The following LDLRAD4 variants were observed in gnomAD, a reference collection of about 807,000 sequenced individuals.
LDLRAD4 encodes the protein low-density lipoprotein receptor class A domain-containing protein 4.
Under a neutral mutation model 17.0 loss-of-function variants are expected in LDLRAD4, and 5 were observed. The ratio of observed to expected loss-of-function variants is 0.29; its 90% CI spans 0.15 to 0.62. The LOEUF is 0.62. Among genes scored for constraint, LDLRAD4 ranks in the 20% least tolerant of loss-of-function variants. The pLI, the probability that LDLRAD4 is intolerant of heterozygous loss-of-function variation, is 0.84. For synonymous variants in LDLRAD4, 168 were observed against 171.8 expected (o/e 0.98, Z 0.17); for missense variants, 340 against 424.7 (o/e 0.80, Z 1.75).
intron 1 of LDLRAD4, among the ~76,000 whole-genome samples, chr18:13,356,071 G>A (rs774640679): frequency 9.9e-5 from 15 of 152,254 alleles, no homozygotes; most frequent in Admixed American, 3.3e-4. Flanking sequence ...GCAAGTGAGC[G>A]GGCTCAGCCA....
At position 13,645,080 on chromosome 18, in the gene LDLRAD4, A is replaced by G; in HGVS notation, c.391-47A>G. ...CCTTGATTCTGACACATTTATGGTC[A>G]TCATTGCGCTCAAACTGTCTTCAAG... On this transcript the variant is annotated intron_variant, in intron 5 of 5. Coordinates refer to ENST00000359446, the Ensembl canonical transcript of LDLRAD4. The surrounding 1 kb of genome is among the most constrained non-coding windows in gnomAD (Gnocchi z 5.7). 1 of 1,494,692 alleles carries G rather than the reference A, an allele frequency of 6.7e-7. No individual in the cohort carries two copies. The highest frequency in any genetic ancestry group is 1.4e-5 in the African/African-American group (1 of 72,408). 92.6% of individuals were successfully genotyped at this position (1,494,692 alleles called of 1,614,324 possible).
In LDLRAD4 at chr18:13,453,993, G is replaced by A. The variant is rs188188049; in HGVS notation, c.181+15609G>A. On this transcript the variant is annotated intron_variant, in intron 3 of 5. Transcript: ENST00000359446. ...TGCAGATGTTCATTCCGGCGCTGCC[G>A]CCGACTGCGGGGACAGAGCCGGAGG... Among the ~76,000 whole-genome samples the A allele has an allele frequency of 5.2e-5, 8 of 152,392 alleles. No homozygotes were observed. The East Asian group carries it at 1.2e-3, about 22-fold the overall frequency.
intron 3 of LDLRAD4, among the ~76,000 whole-genome samples, chr18:13,444,971 C>A (rs573825642): frequency 1.3e-5 from 2 of 152,326 alleles, no homozygotes; most frequent in East Asian, 3.9e-4. Context: ...ACTGCCTGTC[C>A]TTCCCATGTG....
chr18:13,235,067 T>C (rs2042268403), intron 1 of LDLRAD4: 1 of 152,110 alleles, frequency 6.6e-6, no homozygotes, highest in South Asian at 2.1e-4. Flanking sequence ...CTGACCAACA[T>C]GGAGAAACCC....
chr18:13,582,573 T>A (rs2094877992), intron 3 of LDLRAD4, among the ~76,000 whole-genome samples: 1 of 152,200 alleles, frequency 6.6e-6, no homozygotes, highest in Non-Finnish European at 1.5e-5. Context: ...CACATGGGCA[T>A]CAATACCTGT....
intron 3 of LDLRAD4, among the ~76,000 whole-genome samples, chr18:13,567,666 C>G (rs886739310): frequency 1.3e-5 from 2 of 151,946 alleles, no homozygotes; most frequent in Non-Finnish European, 2.9e-5. Context: ...CTGCTGGTTT[C>G]CATTCATCTG....
chr18:13,302,811 A>G (rs138146581), intron 1 of LDLRAD4, among the ~76,000 whole-genome samples: 26 of 152,324 alleles, frequency 1.7e-4, no homozygotes, highest in South Asian at 8.3e-4. Flanking sequence ...TGTTACATGC[A>G]GTTGTGTTAC....
chr18:13,476,834 G>A (rs1162649831), intron 3 of LDLRAD4, among the ~76,000 whole-genome samples: 1 of 152,100 alleles, frequency 6.6e-6, no homozygotes, highest in Non-Finnish European at 1.5e-5. Context: ...GACTGTTCCT[G>A]CCCCTAGATG....
intron 1 of LDLRAD4, among the ~76,000 whole-genome samples, chr18:13,325,605 C>T (rs906854293): frequency 6.6e-6 from 1 of 152,210 alleles, no homozygotes; most frequent in Non-Finnish European, 1.5e-5. Flanking sequence ...TCTACTCTCC[C>T]TCTCCGCGTG....
intron 3 of LDLRAD4, among the ~76,000 whole-genome samples, chr18:13,549,632 A>AGT (rs2094409689): frequency 6.6e-6 from 1 of 151,876 alleles, no homozygotes; most frequent in African/African-American, 2.4e-5. Context: ...CCAAGAGCAG[A>AGT]GGACAGTGGG....
At chr18:13,581,957 C>G (rs1292951304) in intron 3 of LDLRAD4, among the ~76,000 whole-genome samples, 1 of 151,988 alleles carries the variant, frequency 6.6e-6, no homozygotes, top group African/African-American at 2.4e-5. Flanking sequence ...ATTTGACGGT[C>G]CACCCCCGCC....
At chr18:13,578,245 C>T (rs926835575) in intron 3 of LDLRAD4, among the ~76,000 whole-genome samples, 1 of 152,150 alleles carries the variant, frequency 6.6e-6, no homozygotes, top group Non-Finnish European at 1.5e-5. Flanking sequence ...GTGCTTTTTC[C>T]CCATTAAATA....
intron 3 of LDLRAD4, among the ~76,000 whole-genome samples, chr18:13,553,672 T>C (rs189798649): frequency 6.6e-5 from 10 of 152,324 alleles, no homozygotes; most frequent in African/African-American, 2.2e-4. Flanking sequence ...TCTAGTTCTT[T>C]CCTGATGCGG....
intron 4 of LDLRAD4, among the ~76,000 whole-genome samples, chr18:13,640,725 G>A (rs2042473661): frequency 6.6e-6 from 1 of 152,286 alleles, no homozygotes; most frequent in African/African-American, 2.4e-5. Flanking sequence ...CCCCAGGGCT[G>A]CAGGCATGCC....
At chr18:13,255,676 C>A (rs2043465366) in intron 1 of LDLRAD4, among the ~76,000 whole-genome samples, 1 of 151,888 alleles carries the variant, frequency 6.6e-6, no homozygotes, top group South Asian at 2.1e-4. Context: ...GGTGGAGGCC[C>A]AAGGGAGAGG....
At chr18:13,302,415 C>T (rs1400172430) in intron 1 of LDLRAD4, among the ~76,000 whole-genome samples, 1 of 152,152 alleles carries the variant, frequency 6.6e-6, no homozygotes, top group Non-Finnish European at 1.5e-5. Flanking sequence ...TCAGAGAAAA[C>T]TGTTAAAAGC....
chr18:13,510,579 T>C (rs1285535781), intron 3 of LDLRAD4, among the ~76,000 whole-genome samples: 1 of 152,192 alleles, frequency 6.6e-6, no homozygotes, highest in Non-Finnish European at 1.5e-5. Flanking sequence ...CAGTGTACAC[T>C]GCTTGTGTGA....
chr18:13,454,007 C>T (rs2091985426), intron 3 of LDLRAD4, among the ~76,000 whole-genome samples: 1 of 152,272 alleles, frequency 6.6e-6, no homozygotes, highest in Admixed American at 6.5e-5. Flanking sequence ...ACTGCGGGGA[C>T]AGAGCCGGAG....
exon 6 of LDLRAD4, chr18:13,649,829 A>T: frequency 2.5e-6 from 1 of 392,392 alleles, no homozygotes; most frequent in Non-Finnish European, 4.5e-6. Context: ...CTTGGAGCCA[A>T]GCCTTCATGC....
Sources: allele counts gnomAD v4.1 joint callset (sites outside exome capture counted in the v4.1 genomes callset), GRCh38; gene constraint gnomAD v4.1.1; non-coding constraint Gnocchi (gnomAD v3.1); transcripts MANE v1.5; gene names NCBI Gene and HGNC (gene_info 2026-07-23, HGNC 2026-07-21).